NDEL1: variants seen among roughly 807,000 people sequenced by gnomAD.
The protein encoded by NDEL1 is nudE neurodevelopment protein 1 like 1, also known as nuclear distribution protein nudE-like 1.
Under a neutral mutation model 45.7 loss-of-function variants are expected in NDEL1, and 9 were observed. The observed-to-expected ratio is 0.20, with a 90% CI of 0.12 to 0.34. The LOEUF (loss-of-function observed/expected upper bound fraction) is 0.34, where lower values mean the gene tolerates loss of function less well. Among genes scored for constraint, NDEL1 ranks in the 10% least tolerant of loss-of-function variants. The pLI, the probability that NDEL1 is intolerant of heterozygous loss-of-function variation, is 1.00. For missense variants in NDEL1, 306 were observed against 406.2 expected (o/e 0.75, Z 2.12); for synonymous variants, 133 against 158.6 (o/e 0.84, Z 1.21).
At chr17:8,425,855 A>G (rs1908818856) in intron 1 of NDEL1, among the ~76,000 whole-genome samples, 1 of 151,814 alleles carries the variant, frequency 6.6e-6, no homozygotes, top group South Asian at 2.1e-4. Flanking sequence ...CCCATGGTAC[A>G]ATCATGGCTC....
At chr17:8,448,711 C>T (rs368452384) in intron 5 of NDEL1, 25 bp downstream of exon 5, 6 of 1,593,904 alleles carry the variant, frequency 3.8e-6, no homozygotes, top group Non-Finnish European at 5.1e-6. Flanking sequence ...TTAAAGAATA[C>T]AGTTGACCCT....
At chr17:8,432,542 A>G (rs1909043619), upstream of NDEL1, among the ~76,000 whole-genome samples, 1 of 150,516 alleles carries the variant, frequency 6.6e-6, no homozygotes, top group African/African-American at 2.4e-5. Flanking sequence ...CCACCACTAC[A>G]CCCAGCTAAT....
chr17:8,471,192 C>T (rs1597567890), downstream of NDEL1, among the ~76,000 whole-genome samples: 1 of 152,122 alleles, frequency 6.6e-6, no homozygotes, highest in Non-Finnish European at 1.5e-5. Context: ...CTCTTGTTGC[C>T]CAGGCTGGAG....
At chr17:8,439,135 G>T (rs917907013) in intron 1 of NDEL1, among the ~76,000 whole-genome samples, 11 of 151,100 alleles carry the variant, frequency 7.3e-5, no homozygotes, top group Non-Finnish European at 1.3e-4. Flanking sequence ...TAGAGACGGG[G>T]TTTCACCATG....
chr17:8,446,663 G>C, intron 3 of NDEL1, 91 bp from the exon 4 acceptor site: 1 of 1,228,672 alleles, frequency 8.1e-7, no homozygotes, highest in East Asian at 2.6e-5. Context: ...AAATTCCTTG[G>C]GTTCCCCCCC....
chr17:8,429,413 T>G (rs1222474346), intron 1 of NDEL1, among the ~76,000 whole-genome samples: 1 of 152,240 alleles, frequency 6.6e-6, no homozygotes, highest in East Asian at 1.9e-4. Flanking sequence ...CAAAAGGCCA[T>G]GTTTAATAAG....
intron 6 of NDEL1, among the ~76,000 whole-genome samples, chr17:8,453,009 G>A (rs1382885732): frequency 6.6e-6 from 1 of 152,124 alleles, no homozygotes; most frequent in Non-Finnish European, 1.5e-5. Context: ...AAAGTGCTGA[G>A]AGTACAGGCA....
rs562177576 is a variant in NDEL1, at chr17:8,416,173, A to G, written c.-13+2904A>G. On this transcript the variant is annotated intron_variant, in intron 1 of 4. Transcript: ENST00000582812. Reference sequence around the variant, plus strand: ...CCAAACTGAAACTCTGTACCCATTAAGCACTGAATCCCCATTTTCCCCTCC... The same window carrying G: ...CCAAACTGAAACTCTGTACCCATTAGGCACTGAATCCCCATTTTCCCCTCC... 7.2e-5 allele frequency among the ~76,000 whole-genome samples: 11 copies of G among 152,314 alleles called. No individual in the cohort carries two copies. The East Asian group carries it at 2.1e-3, about 29-fold the overall frequency.
chr17:8,422,453 C>T (rs887138102), intron 1 of NDEL1, among the ~76,000 whole-genome samples: 3 of 151,690 alleles, frequency 2.0e-5, no homozygotes, highest in Admixed American at 6.6e-5. Flanking sequence ...GGATTACAGG[C>T]ACCCGCCACC....
rs1486026395 is a variant in NDEL1 at position 8,467,221 on chromosome 17, T to G, written c.*198T>G. On this transcript the variant is annotated 3_prime_UTR_variant, in exon 9 of 9. Transcript: ENST00000334527. This position sits in a 1 kb window ranked among gnomAD's most constrained non-coding sequence, Gnocchi z 6.3. ...CTGCGCGATATCAATACTGGCTATTTTCTCTTCTCGCCGTAGTGCCGTTGG... is the reference window on the plus strand; with the variant it reads ...CTGCGCGATATCAATACTGGCTATTGTCTCTTCTCGCCGTAGTGCCGTTGG... 4 of 600,600 alleles carry G rather than the reference T, an allele frequency of 6.7e-6. No homozygotes were observed. The allele number at this position is 600,600 out of a possible 1,614,324, so 37.2% of individuals were successfully genotyped here.
intron 6 of NDEL1, among the ~76,000 whole-genome samples, chr17:8,452,550 C>A (rs1326365822): frequency 1.3e-5 from 2 of 152,152 alleles, no homozygotes; most frequent in African/African-American, 4.8e-5. Flanking sequence ...AATTTCATTA[C>A]AAGAAAGCAC....
At chr17:8,472,525 C>A (rs1309584413), downstream of NDEL1, among the ~76,000 whole-genome samples, 2 of 152,096 alleles carry the variant, frequency 1.3e-5, no homozygotes, top group African/African-American at 4.8e-5. Context: ...ATTAGCCAGG[C>A]CTGGTGGCGG....
chr17:8,422,050 T>C (rs1442692057), intron 1 of NDEL1, among the ~76,000 whole-genome samples: 1 of 152,172 alleles, frequency 6.6e-6, no homozygotes, highest in Non-Finnish European at 1.5e-5. Context: ...GTGAATAACA[T>C]GAGGCATGGC....
downstream of NDEL1, among the ~76,000 whole-genome samples, chr17:8,469,703 G>A (rs1911787218): frequency 1.1e-5 from 1 of 91,090 alleles, no homozygotes. Flanking sequence ...CAACTTTAGT[G>A]ACTTTTTTTT....
At chr17:8,438,199 C>T (rs1909483233) in intron 1 of NDEL1, among the ~76,000 whole-genome samples, 1 of 152,168 alleles carries the variant, frequency 6.6e-6, no homozygotes, top group Non-Finnish European at 1.5e-5. Flanking sequence ...CCTCGTGATC[C>T]GCCTGCCTCA....
intron 1 of NDEL1, among the ~76,000 whole-genome samples, chr17:8,414,739 TG>T (rs1908504650): frequency 6.6e-6 from 1 of 152,114 alleles, no homozygotes; most frequent in Non-Finnish European, 1.5e-5. Flanking sequence ...CAGCCTGGTG[TG>T]AAACACTGGC....
upstream of NDEL1, chr17:8,432,051 G>C (rs577421060): frequency 2.0e-5 from 3 of 151,296 alleles, no homozygotes; most frequent in Admixed American, 2.0e-4. Flanking sequence ...TAGTAGAGAC[G>C]GGGTTTCACC....
rs938245712 is a variant in NDEL1 at position 8,426,804 on chromosome 17, G to A, written c.-13+13535G>A. Among the ~76,000 whole-genome samples the A allele has an allele frequency of 3.3e-5, 5 of 152,186 alleles. No homozygotes were observed. In the South Asian group the frequency reaches 8.3e-4, roughly 25 times the overall value. ...AAAGGCCAGACAAACCTCAATAGGG[G>A]ATTAAAGGCTCTTGAAACCTCAGTT... On this transcript the variant is annotated intron_variant, in intron 1 of 4. Coordinates refer to the NDEL1 transcript ENST00000582812.
intron 1 of NDEL1, among the ~76,000 whole-genome samples, chr17:8,438,027 C>T (rs111608643): frequency 1.3e-5 from 2 of 152,054 alleles, no homozygotes; most frequent in Non-Finnish European, 1.5e-5. Context: ...GGCACAATCT[C>T]GGCTCACTGC....
Sources: allele counts gnomAD v4.1 joint callset (sites outside exome capture counted in the v4.1 genomes callset), GRCh38; gene constraint gnomAD v4.1.1; non-coding constraint Gnocchi (gnomAD v3.1); transcripts MANE v1.5; gene names NCBI Gene and HGNC (gene_info 2026-07-23, HGNC 2026-07-21).